RPS6KA2: variants seen among roughly 807,000 people sequenced by gnomAD.
RPS6KA2 encodes the protein ribosomal protein S6 kinase alpha-2.
A neutral mutation model predicts 91.8 loss-of-function variants in RPS6KA2; 42 were observed. The ratio of observed to expected loss-of-function variants is 0.46; its 90% confidence interval spans 0.36 to 0.59. The LOEUF is 0.59. Among genes scored for constraint, RPS6KA2 ranks in the 20% least tolerant of loss-of-function variants. The pLI is 0.00. For synonymous variants in RPS6KA2, 414 were observed against 393.6 expected (o/e 1.05, Z -0.61); for missense variants, 798 against 978.5 (o/e 0.82, Z 2.46).
chr6:166,763,678 TC>T (rs1481789959), intron 2 of RPS6KA2, among the ~76,000 whole-genome samples: 1 of 152,180 alleles, frequency 6.6e-6, no homozygotes, highest in Admixed American at 6.5e-5. Context: ...CTTTACCTCC[TC>T]CCTGTACAGA....
rs964959812 is a variant in RPS6KA2 at position 166,635,928 on chromosome 6, G to A, written c.124-97144C>T. On this transcript the variant is annotated intron_variant, in intron 2 of 21. Transcript: ENST00000503859. This position sits in a 1 kb window ranked among gnomAD's most constrained non-coding sequence, Gnocchi z 4.8. ...GCCACCAACCCTACTCTAGACCAGGGTGGTCACCTGCTAGCTTGGCCGCCC... is the reference window on the plus strand; with the variant it reads ...GCCACCAACCCTACTCTAGACCAGGATGGTCACCTGCTAGCTTGGCCGCCC... 2.6e-5 allele frequency among the ~76,000 whole-genome samples: 4 copies of A among 152,214 alleles called. No homozygotes were observed. The highest frequency in any genetic ancestry group is 6.5e-5 in the Admixed American group (1 of 15,288).
chr6:166,725,716 G>A (rs564144918), intron 2 of RPS6KA2, among the ~76,000 whole-genome samples: 236 of 152,376 alleles, frequency 1.5e-3, no homozygotes, highest in African/African-American at 5.4e-3. Flanking sequence ...TGCTGGGGAC[G>A]AGAGTGAAGC....
intron 2 of RPS6KA2, among the ~76,000 whole-genome samples, chr6:166,806,363 T>G (rs2128619243): frequency 6.6e-6 from 1 of 152,236 alleles, no homozygotes; most frequent in South Asian, 2.1e-4. Context: ...AAAGAGAATT[T>G]TGAAAGCAGC....
At chr6:166,566,434 C>T (rs1396844699) in intron 1 of RPS6KA2, among the ~76,000 whole-genome samples, 1 of 152,232 alleles carries the variant, frequency 6.6e-6, no homozygotes. Flanking sequence ...CCTCAATAAC[C>T]TCACTGTTGG....
At chr6:166,591,273 C>T (rs1785346249) in intron 1 of RPS6KA2, among the ~76,000 whole-genome samples, 1 of 152,166 alleles carries the variant, frequency 6.6e-6, no homozygotes, top group Non-Finnish European at 1.5e-5. Context: ...CCAACAGTGC[C>T]ACACTGGAGT....
chr6:166,721,174 C>T (rs1790161934), intron 2 of RPS6KA2, among the ~76,000 whole-genome samples: 1 of 152,138 alleles, frequency 6.6e-6, no homozygotes, highest in East Asian at 1.9e-4. Flanking sequence ...AATGGTTTAA[C>T]ATCAAAACAT....
chr6:166,715,138 C>T (rs1234767833), intron 2 of RPS6KA2, among the ~76,000 whole-genome samples: 2 of 152,210 alleles, frequency 1.3e-5, no homozygotes, highest in African/African-American at 4.8e-5. Flanking sequence ...CACTGGGAGG[C>T]CCCAGAGACT....
chr6:166,679,260 C>A (rs1219499503), intron 2 of RPS6KA2, among the ~76,000 whole-genome samples: 1 of 151,754 alleles, frequency 6.6e-6, no homozygotes, highest in African/African-American at 2.4e-5. Context: ...TCGAGACCAG[C>A]CTGGCCAAGA....
At chr6:166,845,428 T>G (rs1036723916) in intron 2 of RPS6KA2, among the ~76,000 whole-genome samples, 2 of 152,118 alleles carry the variant, frequency 1.3e-5, no homozygotes, top group African/African-American at 4.8e-5. Flanking sequence ...CATCAGCACA[T>G]GTAACATTCT....
At chr6:166,594,870 G>C (rs1380031889) in intron 1 of RPS6KA2, among the ~76,000 whole-genome samples, 1 of 152,136 alleles carries the variant, frequency 6.6e-6, no homozygotes, top group East Asian at 1.9e-4. Flanking sequence ...TATTTACTGA[G>C]ATGCAAAGAA....
chr6:166,751,736 G>C (rs1364852634), intron 2 of RPS6KA2, among the ~76,000 whole-genome samples: 4 of 152,248 alleles, frequency 2.6e-5, no homozygotes, highest in African/African-American at 9.6e-5. Context: ...TCCTAGTGAA[G>C]TCCAATAGTC....
chr6:166,661,112 T>C (rs1279440536), intron 2 of RPS6KA2, among the ~76,000 whole-genome samples: 2 of 152,170 alleles, frequency 1.3e-5, no homozygotes, highest in East Asian at 3.8e-4. Flanking sequence ...TTCTTTTTGT[T>C]GTTGTTGAGA....
At chr6:166,830,533 T>TAA in intron 2 of RPS6KA2, among the ~76,000 whole-genome samples, 1 of 152,032 alleles carries the variant, frequency 6.6e-6, no homozygotes, top group Admixed American at 6.5e-5. Flanking sequence ...AATTTCTTTT[T>TAA]AAAAAAAGCT....
At chr6:166,543,675 C>T (rs914072041) in intron 1 of RPS6KA2, among the ~76,000 whole-genome samples, 1 of 152,188 alleles carries the variant, frequency 6.6e-6, no homozygotes, top group Non-Finnish European at 1.5e-5. Context: ...ATGTAGTTAC[C>T]CCCTTGGAAC....
rs1790331859 is a variant in RPS6KA2 at position 166,726,141 on chromosome 6, T to G, written c.123+132059A>C. On this transcript the variant is annotated intron_variant, in intron 2 of 21. Transcript: ENST00000503859. This position sits in a 1 kb window ranked among gnomAD's most constrained non-coding sequence, Gnocchi z 4.4. ...TACAATATAGAAGATTTTTTTTTTTTTTTAGTTTAAAATCTTACTTCACAT... is the reference window on the plus strand; with the variant it reads ...TACAATATAGAAGATTTTTTTTTTTGTTTAGTTTAAAATCTTACTTCACAT... 6.6e-6 allele frequency among the ~76,000 whole-genome samples: 1 copy of G among 152,166 alleles called. No homozygotes were observed. The highest frequency in any genetic ancestry group is 6.5e-5 in the Admixed American group (1 of 15,284).
intron 2 of RPS6KA2, among the ~76,000 whole-genome samples, chr6:166,724,165 TTAAG>T (rs1262165013): frequency 6.6e-6 from 1 of 152,218 alleles, no homozygotes; most frequent in Non-Finnish European, 1.5e-5. Context: ...ATATGCTATA[TTAAG>T]TGTGTATGTG....
intron 2 of RPS6KA2, among the ~76,000 whole-genome samples, chr6:166,837,979 C>T (rs1461408849): frequency 1.3e-5 from 2 of 152,260 alleles, no homozygotes; most frequent in African/African-American, 4.8e-5. Flanking sequence ...ATGAGCTTGA[C>T]AGTTGGTTTG....
intron 2 of RPS6KA2, among the ~76,000 whole-genome samples, chr6:166,798,016 G>A (rs1196387417): frequency 2.0e-5 from 3 of 152,136 alleles, no homozygotes; most frequent in Admixed American, 1.3e-4. Context: ...AATGGCACCC[G>A]AATCATCGAT....
rs1583221055 is a variant in RPS6KA2, at chr6:166,508,772, T to C, written c.380-490A>G. The stretch of plus-strand genomic sequence containing the variant: ...CCTTCCTCTCTTGAGGCAGTTCTGG[T>C]GATAGGTCAGCCCAGTTATTTGAAC... On this transcript the variant is annotated intron_variant, in intron 4 of 20. Transcript: ENST00000265678. This position sits in a 1 kb window ranked among gnomAD's most constrained non-coding sequence, Gnocchi z 4.3. Among the ~76,000 whole-genome samples the C allele has an allele frequency of 6.6e-6, 1 of 152,194 alleles. No individual in the cohort carries two copies. The highest frequency in any genetic ancestry group is 6.5e-5 in the Admixed American group (1 of 15,288).
Sources: allele counts gnomAD v4.1 joint callset (sites outside exome capture counted in the v4.1 genomes callset), GRCh38; gene constraint gnomAD v4.1.1; non-coding constraint Gnocchi (gnomAD v3.1); transcripts MANE v1.5; gene names NCBI Gene and HGNC (gene_info 2026-07-23, HGNC 2026-07-21).